Variants in MTHFD1L observed in about 807,000 individuals in gnomAD.
MTHFD1L encodes the protein monofunctional C1-tetrahydrofolate synthase, mitochondrial.
MTHFD1L carries 81 observed loss-of-function variants against 119.5 expected under a neutral mutation model. The observed-to-expected ratio is 0.68, with a 90% CI of 0.57 to 0.82. MTHFD1L has a LOEUF of 0.82. MTHFD1L is among the 40% of genes least tolerant of loss of function. The probability of loss-of-function intolerance (pLI) is 0.00; values close to 1 mark genes in which losing one functional copy is unlikely to be tolerated. For synonymous variants in MTHFD1L, 430 were observed against 475.2 expected, an observed-to-expected ratio of 0.90 and a Z score of 1.24; for missense variants, 1,125 against 1,253.4, an observed-to-expected ratio of 0.90 and a Z score of 1.55.
chr6:151,001,288 C>T (rs1780585332), intron 20 of MTHFD1L, among the ~76,000 whole-genome samples: 1 of 152,174 alleles, frequency 6.6e-6, no homozygotes, highest in Non-Finnish European at 1.5e-5. Flanking sequence ...AATAAAGGAC[C>T]TCTTAGTGCC....
intron 8 of MTHFD1L, 110 bp from the exon 9 acceptor site, chr6:150,918,467 C>A (rs1583550688): frequency 2.5e-6 from 2 of 810,606 alleles, no homozygotes; most frequent in East Asian, 5.0e-5. Flanking sequence ...ATCCTAACTT[C>A]CTTGGTGAAA....
At chr6:150,930,159 C>T (rs1033277388) in intron 11 of MTHFD1L, among the ~76,000 whole-genome samples, 1 of 122,568 alleles carries the variant, frequency 8.2e-6, no homozygotes, top group Admixed American at 8.0e-5. Context: ...AACCCAATTA[C>T]TCTGGAGACT....
intron 26 of MTHFD1L, among the ~76,000 whole-genome samples, chr6:151,071,704 T>A (rs773454034): frequency 6.6e-6 from 1 of 152,168 alleles, no homozygotes; most frequent in Non-Finnish European, 1.5e-5. Flanking sequence ...AAGAATCCTC[T>A]TTTTTTATTA....
Position 150,949,108 on chromosome 6 carries a change from C to T in MTHFD1L, c.1701C>T (p.Asp567=). 6.2e-7 allele frequency: 1 copy of T among 1,614,036 alleles called. No individual in the cohort carries two copies. The highest frequency in any genetic ancestry group is 8.5e-7 in the Non-Finnish European group (1 of 1,179,976). ...EVSKFARLDI[D]PSTITWQRVL... is the part of the protein sequence containing the mutation. The stretch of plus-strand genomic sequence containing the variant: ...GTAAATTTGCCCGTCTCGACATCGA[C>T]CCATCTACCATCACGTGGCAGAGAG... Residue 567 remains aspartate, a synonymous_variant, in exon 16 of 28, where the codon GAC becomes GAT. Coordinates refer to ENST00000367321, the MANE Select transcript of MTHFD1L (RefSeq NM_015440.5).
chr6:150,923,675 AT>A (rs1441557915), intron 10 of MTHFD1L, among the ~76,000 whole-genome samples: 1 of 148,650 alleles, frequency 6.7e-6, no homozygotes, highest in East Asian at 2.0e-4. Context: ...GGGCTGACTC[AT>A]TTTTTACCTG....
chr6:150,975,373 G>A (rs545700385), intron 20 of MTHFD1L, among the ~76,000 whole-genome samples: 1 of 152,164 alleles, frequency 6.6e-6, no homozygotes, highest in Non-Finnish European at 1.5e-5. Context: ...TGGGAACGGG[G>A]TGTGGTCAGG....
intron 26 of MTHFD1L, among the ~76,000 whole-genome samples, chr6:151,076,163 C>G (rs925338737): frequency 6.6e-6 from 1 of 151,988 alleles, no homozygotes; most frequent in African/African-American, 2.4e-5. Context: ...TTGAGCCCAG[C>G]CTGGACAACA....
At chr6:151,024,251 T>C (rs1784339922) in intron 24 of MTHFD1L, among the ~76,000 whole-genome samples, 1 of 152,156 alleles carries the variant, frequency 6.6e-6, no homozygotes, top group Non-Finnish European at 1.5e-5. Flanking sequence ...ATGAGAACAC[T>C]GTGCTTGGCC....
At chr6:151,012,452 C>T (rs1782430926) in intron 21 of MTHFD1L, among the ~76,000 whole-genome samples, 1 of 152,058 alleles carries the variant, frequency 6.6e-6, no homozygotes, top group East Asian at 1.9e-4. Flanking sequence ...ATAACCATGG[C>T]TGCCTCTTAT....
intron 16 of MTHFD1L, among the ~76,000 whole-genome samples, chr6:150,952,342 G>A (rs148653156): frequency 0.015 from 2,352 of 152,246 alleles, 26 homozygotes; most frequent in Non-Finnish European, 0.023. Context: ...TTGCTAGTAG[G>A]GTTTTTTGGC....
intron 20 of MTHFD1L, chr6:150,985,292 T>C (rs1351053296): frequency 6.6e-6 from 1 of 152,210 alleles, no homozygotes; most frequent in Non-Finnish European, 1.5e-5. Flanking sequence ...GAAACAGTGC[T>C]GCTTATGTGT....
In MTHFD1L at chr6:151,038,956, T is replaced by C. The variant is rs147455487; in HGVS notation, c.2847+1839T>C. Among the ~76,000 whole-genome samples, 1,223 of 152,136 alleles carry C rather than the reference T, an allele frequency of 8.0e-3. 13 individuals are homozygous for C. Among genetic ancestry groups the C allele is most frequent in the African/African-American group, 0.027 (1,130 of 41,494 alleles). ...CAGAGGGTTAATAGGATCTAAGGAA[T>C]AGTCTGTGTCTCCACTGGAAATACA... On this transcript the variant is annotated intron_variant, in intron 26 of 27. Transcript: ENST00000367321.
intron 1 of MTHFD1L, 22 bp downstream of exon 1, chr6:150,866,071 G>A: frequency 6.8e-7 from 1 of 1,480,568 alleles, no homozygotes; most frequent in South Asian, 1.3e-5. Flanking sequence ...GTCTGGCCCT[G>A]GCCCAGGTCT....
At chr6:150,970,142 TGCC>T (rs1797821080) in intron 19 of MTHFD1L, among the ~76,000 whole-genome samples, 2 of 152,212 alleles carry the variant, frequency 1.3e-5, no homozygotes, top group Non-Finnish European at 2.9e-5. Context: ...CCTTACAGGT[TGCC>T]AGGAGACCAG....
chr6:150,977,542 T>C (rs1482496138), intron 20 of MTHFD1L, among the ~76,000 whole-genome samples: 1 of 152,226 alleles, frequency 6.6e-6, no homozygotes, highest in Non-Finnish European at 1.5e-5. Flanking sequence ...ATTCTAATCA[T>C]GTATTACATT....
chr6:150,953,264 T>C (rs1583765082), intron 16 of MTHFD1L, among the ~76,000 whole-genome samples: 1 of 152,368 alleles, frequency 6.6e-6, no homozygotes, highest in Non-Finnish European at 1.5e-5. Context: ...CCATTAGGCA[T>C]ACTGTGGATG....
At chr6:150,975,748 G>A (rs1213596615) in intron 20 of MTHFD1L, among the ~76,000 whole-genome samples, 8 of 152,162 alleles carry the variant, frequency 5.3e-5, no homozygotes, top group Non-Finnish European at 1.0e-4. Context: ...TGAAGCTTTG[G>A]CATGAAATGG....
intron 17 of MTHFD1L, among the ~76,000 whole-genome samples, chr6:150,959,884 G>A (rs557424900): frequency 5.9e-5 from 9 of 152,294 alleles, no homozygotes; most frequent in East Asian, 3.9e-4. Flanking sequence ...AGTCCCTGCC[G>A]TCATGGCACT....
intron 9 of MTHFD1L, among the ~76,000 whole-genome samples, chr6:150,919,269 G>C (rs551392008): frequency 6.6e-6 from 1 of 151,986 alleles, no homozygotes; most frequent in African/African-American, 2.4e-5. Flanking sequence ...TGTCACCCAG[G>C]CTGGAGTGCA....
Sources: gnomAD v4.1 joint callset for allele counts (sites outside exome capture counted in the v4.1 genomes callset) on GRCh38, gnomAD v4.1.1 for gene constraint, MANE v1.5 for transcripts, NCBI Gene and HGNC (gene_info 2026-07-23, HGNC 2026-07-21) for gene names.